Variants in HEYL observed in about 807,000 individuals in gnomAD.
HEYL encodes hes related family bHLH transcription factor with YRPW motif like.
Under a neutral mutation model 18.6 loss-of-function variants are expected in HEYL, and 12 were observed. The observed-to-expected ratio is 0.65, with a 90% CI of 0.41 to 1.05. The LOEUF (loss-of-function observed/expected upper bound fraction) is 1.05. Ranked by LOEUF, HEYL falls within the 50% of genes least tolerant of loss-of-function variation. The pLI, the probability that HEYL is intolerant of heterozygous loss-of-function variation, is 0.00. For synonymous variants in HEYL, 159 were observed against 179.6 expected (o/e 0.89, Z 0.91); for missense variants, 420 against 444.7 (o/e 0.94, Z 0.50).
intron 1 of HEYL, among the ~76,000 whole-genome samples, chr1:39,636,820 C>G (rs1053961699): frequency 6.6e-6 from 1 of 152,202 alleles, no homozygotes; most frequent in South Asian, 2.1e-4. Context: ...CTTCACACTT[C>G]CGGTCTTTTC....
chr1:39,626,715 A>G lies in HEYL; in HGVS notation c.779T>C (p.Val260Ala), dbSNP rs1188606617. ...CCTGGCAGCCCTGCTGCTGGGGGCG[A>G]CAGGCACAGGGGTCGCTGGCCTCTC... Reference protein sequence around the residue: ...PLERPATPVPVAPSSRAARSS... With the variant: ...PLERPATPVPAAPSSRAARSS... Residue 260 changes from valine (V) to alanine (A), a missense_variant, in exon 5 of 5, where the codon GTC (valine) becomes GCC (alanine). By Grantham distance (64) the Val-to-Ala change is moderately conservative. Transcript: ENST00000372852. 4.0e-6 allele frequency: 6 copies of G among 1,504,140 alleles called. No individual in the cohort carries two copies. Among genetic ancestry groups the G allele is most frequent in the Non-Finnish European group, 5.3e-6 (6 of 1,123,188 alleles). The allele number at this position is 1,504,140 out of a possible 1,614,324, so 93.2% of individuals were successfully genotyped here.
chr1:39,627,505 C>T (rs1490794298), intron 4 of HEYL, among the ~76,000 whole-genome samples: 2 of 152,200 alleles, frequency 1.3e-5, no homozygotes, highest in Non-Finnish European at 2.9e-5. Flanking sequence ...GAAGTAGATA[C>T]TTGACAGATA....
At chr1:39,636,155 A>G (rs137984024) in intron 1 of HEYL, among the ~76,000 whole-genome samples, 15 of 152,338 alleles carry the variant, frequency 9.8e-5, no homozygotes, top group African/African-American at 3.4e-4. Context: ...GAGAGAACTG[A>G]GTCCATTTGT....
Position 39,626,863 on chromosome 1 carries a change from C to T in HEYL, c.631G>A (p.Ala211Thr), listed in dbSNP as rs199627999. The T allele has an allele frequency of 8.8e-6, 14 of 1,590,478 alleles. No individual in the cohort carries two copies. The East Asian group carries it at 2.7e-4, about 31-fold the overall frequency. The change falls in exon 5 of 5, where the codon GCT (alanine) becomes ACT (threonine). Residue 211 changes from alanine to threonine, a missense_variant. Transcript: ENST00000372852. ...SPVLPGVSSP[A>T]YPIPALRTAP... Reference sequence around the variant, plus strand: ...GTTCGGAGGGCTGGGATGGGGTAAGCAGGAGAGGAGACACCGGGGAGGACA... The same window carrying T: ...GTTCGGAGGGCTGGGATGGGGTAAGTAGGAGAGGAGACACCGGGGAGGACA...
In HEYL at chr1:39,626,318, G is replaced by A. The variant is rs1255875835; in HGVS notation, c.*189C>T. 1 of 582,290 alleles carries A rather than the reference G, an allele frequency of 1.7e-6. No individual in the cohort carries two copies. Among genetic ancestry groups the A allele is most frequent in the Admixed American group, 3.5e-5 (1 of 28,782 alleles). 36.1% of individuals were successfully genotyped at this position (582,290 alleles called of 1,614,324 possible). The stretch of plus-strand genomic sequence containing the variant: ...GACCAGAACAGCTCCAGGAGAGCTG[G>A]GTGGATAAGCTGGGATAACAGTGAG... On this transcript the variant is annotated 3_prime_UTR_variant, in exon 5 of 5. Coordinates refer to ENST00000372852, the MANE Select transcript of HEYL (RefSeq NM_014571.4).
chr1:39,631,438 G>T, intron 3 of HEYL, 58 bp downstream of exon 3: 1 of 1,476,654 alleles, frequency 6.8e-7, no homozygotes, highest in Non-Finnish European at 9.5e-7. Context: ...CATGAGAAAC[G>T]AACCTTATCT....
rs753842517 is a variant in HEYL, at chr1:39,626,542, A to G, written c.952T>C (p.Trp318Arg). Residue 318 changes from tryptophan (W) to arginine (R), a missense_variant, in exon 5 of 5, where the codon TGG (tryptophan) becomes CGG (arginine). By Grantham distance (101) the Trp-to-Arg change is moderately radical. Transcript: ENST00000372852. ...CCGATTTCAGTGATTTCAGAGACCC[A>G]GGAGTGGTAGAGCATGGCTCCCGCT... ...RPAGAMLYHS[W>R]VSEITEIGAF 1 of 1,547,090 alleles carries G rather than the reference A, an allele frequency of 6.5e-7. No individual in the cohort carries two copies. Among genetic ancestry groups the G allele is most frequent in the Non-Finnish European group, 8.7e-7 (1 of 1,145,350 alleles).
intron 1 of HEYL, among the ~76,000 whole-genome samples, chr1:39,637,675 C>G (rs1482212801): frequency 6.6e-6 from 1 of 152,200 alleles, no homozygotes; most frequent in Non-Finnish European, 1.5e-5. Context: ...CCTCTAAGAA[C>G]AGTGTCTAAA....
intron 3 of HEYL, among the ~76,000 whole-genome samples, chr1:39,630,787 T>C (rs1646328706): frequency 6.6e-6 from 1 of 152,254 alleles, no homozygotes; most frequent in African/African-American, 2.4e-5. Flanking sequence ...AGACCACTTG[T>C]TCTTCCTCTT....
chr1:39,627,500 A>G (rs1226493854), intron 4 of HEYL, among the ~76,000 whole-genome samples: 2 of 152,286 alleles, frequency 1.3e-5, no homozygotes, highest in East Asian at 3.8e-4. Context: ...TCATTGAAGT[A>G]GATACTTGAC....
At chr1:39,633,892 C>T (rs142552488) in intron 1 of HEYL, 1 of 152,376 alleles carries the variant, frequency 6.6e-6, no homozygotes, top group Non-Finnish European at 1.5e-5. Context: ...TATCTCACGT[C>T]TGTCCTCTTC....
intron 4 of HEYL, among the ~76,000 whole-genome samples, chr1:39,628,266 T>G (rs1396604897): frequency 6.6e-6 from 1 of 152,244 alleles, no homozygotes; most frequent in Admixed American, 6.5e-5. Flanking sequence ...TTTCTGCGTT[T>G]GCTGTTCTTT....
At position 39,639,593 on chromosome 1, in the gene HEYL, G is replaced by T; in HGVS notation, c.33C>A (p.Asp11Glu). The T allele has an allele frequency of 1.3e-6, 2 of 1,579,270 alleles. No individual in the cohort carries two copies. Among genetic ancestry groups the T allele is most frequent in the Non-Finnish European group, 1.7e-6 (2 of 1,167,590 alleles). The change falls in exon 1 of 5, where the codon GAC becomes GAA. Residue 11 changes from aspartate to glutamate, a missense_variant. Asp to Glu is a conservative substitution (Grantham distance 45). Coordinates refer to ENST00000372852, the MANE Select transcript of HEYL (RefSeq NM_014571.4). MKRPKEPSGSDGESDGPIDVG... is the reference protein window; with the variant it reads MKRPKEPSGSEGESDGPIDVG... ...CGTCGATGGGTCCGTCGGACTCCCC[G>T]TCGGAGCCGCTCGGCTCCTTGGGTC...
chr1:39,632,731 A>G lies in HEYL; in HGVS notation c.81-16T>C. 1 of 1,613,814 alleles carries G rather than the reference A, an allele frequency of 6.2e-7. No individual in the cohort carries two copies. Among genetic ancestry groups the G allele is most frequent in the Non-Finnish European group, 8.5e-7 (1 of 1,179,790 alleles). ...GGCCATCTGGCTGGAAAGGAAAAGA[A>G]AAGCTGATTTTTCAGGGCTGGGGGA... On this transcript the variant is annotated splice_polypyrimidine_tract_variant and intron_variant, in intron 1 of 4. Coordinates refer to ENST00000372852, the MANE Select transcript of HEYL (RefSeq NM_014571.4).
At position 39,632,700 on chromosome 1, in the gene HEYL, C is replaced by T. The variant is rs1372141392; in HGVS notation, c.96G>A (p.Pro32=). 1 of 1,613,910 alleles carries T rather than the reference C, an allele frequency of 6.2e-7. No homozygotes were observed. Among genetic ancestry groups the T allele is most frequent in the Non-Finnish European group, 8.5e-7 (1 of 1,179,868 alleles). ...TCTGCGAAGAGCTGGGGGTGGACAG[C>T]GGCCTGGCCATCTGGCTGGAAAGGA... ...QEGQLSQMAR[P]LSTPSSSQMQ... The change falls in exon 2 of 5, where the codon CCG becomes CCA. Residue 32 remains proline, a synonymous_variant. Coordinates refer to ENST00000372852, the MANE Select transcript of HEYL (RefSeq NM_014571.4).
At chr1:39,638,866 C>T (rs927579762) in intron 1 of HEYL, among the ~76,000 whole-genome samples, 62 of 152,268 alleles carry the variant, frequency 4.1e-4, no homozygotes, top group African/African-American at 1.4e-3. Context: ...TACAGAACTG[C>T]GAGGTAGCAG....
chr1:39,626,755 T>C lies in HEYL; in HGVS notation c.739A>G (p.Arg247Gly). The change falls in exon 5 of 5, where the codon AGG becomes GGG. Residue 247 changes from arginine (R) to glycine (G), a missense_variant. Transcript: ENST00000372852. ...GCTGGCCTCTCTAGGGGGCGGGCCC[T>C]CCGGGTGGAAGATGCCCCTCGACTG... ...LPSRGASSTR[R>G]ARPLERPATP... The C allele has an allele frequency of 1.3e-6, 2 of 1,531,792 alleles. No homozygotes were observed. Among genetic ancestry groups the C allele is most frequent in the Non-Finnish European group, 1.8e-6 (2 of 1,135,336 alleles). The allele number at this position is 1,531,792 out of a possible 1,614,324, so 94.9% of individuals were successfully genotyped here.
Position 39,623,790 on chromosome 1 carries a change from CTGGAGGTGGGAACA to C in HEYL, c.*2703_*2716del. Among the ~76,000 whole-genome samples, 1 of 152,018 alleles carries C rather than the reference CTGGAGGTGGGAACA, an allele frequency of 6.6e-6. No homozygotes were observed. Among genetic ancestry groups the C allele is most frequent in the Non-Finnish European group, 1.5e-5 (1 of 68,002 alleles). The stretch of plus-strand genomic sequence containing the variant: ...CAAAGGGAACAGCATATGCAAAGTG[CTGGAGGTGGGAACA>C]AGGCTGGAATGTCGAGGAAATGAAG... On this transcript the variant is annotated 3_prime_UTR_variant, in exon 5 of 5. Transcript: ENST00000372852.
At position 39,623,492 on chromosome 1, in the gene HEYL, A is replaced by G. The variant is rs1430844435; in HGVS notation, c.*3015T>C. Reference sequence around the variant, plus strand: ...AACTATGGACCAGGCCCTGTGCTCAATGCTGGGTACAGAGTGGAGACTGAA... The same window carrying G: ...AACTATGGACCAGGCCCTGTGCTCAGTGCTGGGTACAGAGTGGAGACTGAA... On this transcript the variant is annotated 3_prime_UTR_variant, in exon 5 of 5. Coordinates refer to ENST00000372852, the MANE Select transcript of HEYL (RefSeq NM_014571.4). Among the ~76,000 whole-genome samples, 1 of 152,260 alleles carries G rather than the reference A, an allele frequency of 6.6e-6. No individual in the cohort carries two copies. Among genetic ancestry groups the G allele is most frequent in the Non-Finnish European group, 1.5e-5 (1 of 68,038 alleles).
Sources: allele counts gnomAD v4.1 joint callset (sites outside exome capture counted in the v4.1 genomes callset), GRCh38; gene constraint gnomAD v4.1.1; transcripts MANE v1.5; gene names NCBI Gene and HGNC (gene_info 2026-07-23, HGNC 2026-07-21).